CFAP299: variants seen among roughly 807,000 people sequenced by gnomAD.
The protein encoded by CFAP299 is cilia and flagella associated protein 299.
A neutral mutation model predicts 27.0 loss-of-function variants in CFAP299; 21 were observed. That is an observed-to-expected ratio of 0.78 (90% confidence interval 0.55 to 1.12). The LOEUF (loss-of-function observed/expected upper bound fraction) is 1.12. Ranked by LOEUF, CFAP299 falls within the 50% of genes most tolerant of loss-of-function variation. The pLI, the probability that CFAP299 is intolerant of heterozygous loss-of-function variation, is 0.00. For missense variants in CFAP299, 310 were observed against 276.6 expected (o/e 1.12, Z -0.86); for synonymous variants, 104 against 98.1 (o/e 1.06, Z -0.36).
chr4:80,477,150 C>T (rs1414601864), intron 2 of CFAP299, among the ~76,000 whole-genome samples: 1 of 152,028 alleles, frequency 6.6e-6, no homozygotes, highest in Non-Finnish European at 1.5e-5. Flanking sequence ...GCAGCCTCAA[C>T]CTCCCAAGCT....
intron 3 of CFAP299, among the ~76,000 whole-genome samples, chr4:80,849,181 A>T (rs983719015): frequency 4.6e-5 from 7 of 152,054 alleles, no homozygotes; most frequent in African/African-American, 1.7e-4. Context: ...AAAATTTTTT[A>T]TTATTTTTTC....
chr4:80,393,790 G>A (rs1253724878), intron 2 of CFAP299, among the ~76,000 whole-genome samples: 1 of 152,088 alleles, frequency 6.6e-6, no homozygotes, highest in East Asian at 1.9e-4. Flanking sequence ...ATTAAGTAAT[G>A]CATGACTGTA....
At chr4:80,667,539 C>G (rs1741203451) in intron 3 of CFAP299, among the ~76,000 whole-genome samples, 1 of 152,146 alleles carries the variant, frequency 6.6e-6, no homozygotes, top group Admixed American at 6.5e-5. Context: ...AATCTACTGT[C>G]TTCCTTCATG....
chr4:80,343,788 G>T (rs534196880), intron 1 of CFAP299, among the ~76,000 whole-genome samples: 12 of 112,458 alleles, frequency 1.1e-4, no homozygotes, highest in Non-Finnish European at 3.3e-5. Context: ...GCGACAGAGC[G>T]AGACTCCGTC....
chr4:80,719,455 G>A (rs996042003), intron 3 of CFAP299, among the ~76,000 whole-genome samples: 12 of 152,202 alleles, frequency 7.9e-5, no homozygotes, highest in African/African-American at 2.4e-4. Flanking sequence ...TTTCCCAAAT[G>A]ACTGTACCAT....
chr4:80,870,437 C>T (rs11099448), intron 4 of CFAP299: 113,392 of 1,044,964 alleles, frequency 0.11, 6,568 homozygotes, highest in Middle Eastern at 0.21. Flanking sequence ...GCACTTGGGA[C>T]TTGGTCTGTC....
chr4:80,441,029 C>G (rs1445468720), intron 2 of CFAP299, among the ~76,000 whole-genome samples: 1 of 152,134 alleles, frequency 6.6e-6, no homozygotes, highest in Non-Finnish European at 1.5e-5. Flanking sequence ...AAGGGATGAA[C>G]AAAGCCTCCA....
intron 3 of CFAP299, among the ~76,000 whole-genome samples, chr4:80,743,428 A>G (rs968789103): frequency 1.3e-5 from 2 of 152,154 alleles, no homozygotes; most frequent in Non-Finnish European, 2.9e-5. Context: ...AGCTTTTGAC[A>G]TCTGATAAAA....
chr4:80,564,177 T>C (rs536703166), intron 2 of CFAP299, among the ~76,000 whole-genome samples: 41 of 152,136 alleles, frequency 2.7e-4, no homozygotes, highest in African/African-American at 9.9e-4. Flanking sequence ...CCAAACTCAT[T>C]CTACAAGGCT....
At position 80,963,672 on chromosome 4, in the gene CFAP299, C is replaced by T. The variant is rs1487073946; in HGVS notation, c.*60C>T. On this transcript the variant is annotated 3_prime_UTR_variant, in exon 6 of 6. Coordinates refer to ENST00000358105, the MANE Select transcript of CFAP299 (RefSeq NM_152770.3). ...ATTTAAATAAATTCCGTAGACAGAGCAAATTAGAATAATAAATGAGCCCTG... is the reference window on the plus strand; with the variant it reads ...ATTTAAATAAATTCCGTAGACAGAGTAAATTAGAATAATAAATGAGCCCTG... The T allele has an allele frequency of 4.5e-6, 5 of 1,114,456 alleles. No homozygotes were observed. Among genetic ancestry groups the T allele is most frequent in the African/African-American group, 1.6e-5 (1 of 63,866 alleles). 69.0% of individuals were successfully genotyped at this position (1,114,456 alleles called of 1,614,324 possible).
chr4:80,666,880 G>T (rs1289468981), intron 3 of CFAP299, among the ~76,000 whole-genome samples: 1 of 152,092 alleles, frequency 6.6e-6, no homozygotes, highest in African/African-American at 2.4e-5. Flanking sequence ...AGTATCATAG[G>T]TCCATAAGGA....
chr4:80,619,897 C>T (rs1738485969), intron 3 of CFAP299, among the ~76,000 whole-genome samples: 2 of 151,728 alleles, frequency 1.3e-5, no homozygotes, highest in African/African-American at 2.4e-5. Context: ...GTTTATTTTC[C>T]CCTGTGAAAA....
At chr4:80,693,263 C>T (rs1720856961) in intron 3 of CFAP299, among the ~76,000 whole-genome samples, 1 of 151,942 alleles carries the variant, frequency 6.6e-6, no homozygotes. Context: ...TTTATTGTGG[C>T]ATTATTCACA....
chr4:80,482,832 T>C (rs964099970), intron 2 of CFAP299, among the ~76,000 whole-genome samples: 1 of 152,210 alleles, frequency 6.6e-6, no homozygotes, highest in African/African-American at 2.4e-5. Context: ...TCTCAGTGAA[T>C]TATAATGTTA....
chr4:80,520,023 T>C (rs1304436721), intron 2 of CFAP299, among the ~76,000 whole-genome samples: 1 of 152,156 alleles, frequency 6.6e-6, no homozygotes, highest in African/African-American at 2.4e-5. Context: ...GCTTTCTACA[T>C]CTTCCTTGCC....
At chr4:80,742,977 G>C (rs1036325642) in intron 3 of CFAP299, among the ~76,000 whole-genome samples, 1 of 152,194 alleles carries the variant, frequency 6.6e-6, no homozygotes, top group Non-Finnish European at 1.5e-5. Context: ...AGGTGATTCA[G>C]ATATATATGT....
chr4:80,362,979 G>A lies in CFAP299; in HGVS notation c.242+95G>A, dbSNP rs961148349. Reference sequence around the variant, plus strand: ...TGCATTGTTTAATTTAGAAGCACTGGGTGGAGCAGGTAAAACTTGGAATAT... The same window carrying A: ...TGCATTGTTTAATTTAGAAGCACTGAGTGGAGCAGGTAAAACTTGGAATAT... On this transcript the variant is annotated intron_variant, in intron 2 of 5. Coordinates refer to ENST00000358105, the MANE Select transcript of CFAP299 (RefSeq NM_152770.3). 1.1e-5 allele frequency: 15 copies of A among 1,345,946 alleles called. No homozygotes were observed. In the African/African-American group the frequency reaches 1.9e-4, roughly 17 times the overall value. The allele number at this position is 1,345,946 out of a possible 1,614,324, so 83.4% of individuals were successfully genotyped here.
intron 2 of CFAP299, among the ~76,000 whole-genome samples, chr4:80,525,346 A>G (rs1398120317): frequency 6.6e-6 from 1 of 152,076 alleles, no homozygotes; most frequent in Non-Finnish European, 1.5e-5. Context: ...TGTGAATTTC[A>G]TCTTATCATA....
intron 2 of CFAP299, among the ~76,000 whole-genome samples, chr4:80,471,909 C>T (rs1000062314): frequency 3.3e-5 from 5 of 152,200 alleles, no homozygotes; most frequent in Non-Finnish European, 7.3e-5. Context: ...ATCCTTCACT[C>T]GCAGCTTTCG....
Sources: gnomAD v4.1 joint callset for allele counts (sites outside exome capture counted in the v4.1 genomes callset) on GRCh38, gnomAD v4.1.1 for gene constraint, MANE v1.5 for transcripts, NCBI Gene and HGNC (gene_info 2026-07-23, HGNC 2026-07-21) for gene names.